MAD1L1: variants seen among roughly 807,000 people sequenced by gnomAD.
The protein encoded by MAD1L1 is mitotic arrest deficient 1 like 1, also known as mitotic spindle assembly checkpoint protein MAD1.
MAD1L1 carries 95 observed loss-of-function variants against 96.9 expected under a neutral mutation model. That is an observed-to-expected ratio of 0.98 (90% CI 0.83 to 1.16). The LOEUF is 1.16. Among genes scored for constraint, MAD1L1 ranks in the 50% most tolerant of loss-of-function variants. MAD1L1 has a pLI of 0.00. For synonymous variants in MAD1L1, 473 were observed against 396.6 expected, an observed-to-expected ratio of 1.19 and a Z score of -2.29; for missense variants, 1,007 against 954.4, an observed-to-expected ratio of 1.06 and a Z score of -0.73.
intron 12 of MAD1L1, among the ~76,000 whole-genome samples, chr7:2,045,313 CTA>C (rs1256274646): frequency 6.6e-6 from 1 of 152,154 alleles, no homozygotes; most frequent in African/African-American, 2.4e-5. Flanking sequence ...CCCCACGTCC[CTA>C]TGAGAGTCCC....
rs774598571 is a variant in MAD1L1, at chr7:2,142,187, C to A, written c.1073+6965G>T. 6.6e-6 allele frequency among the ~76,000 whole-genome samples: 1 copy of A among 152,224 alleles called. No individual in the cohort carries two copies. The highest frequency in any genetic ancestry group is 1.5e-5 in the Non-Finnish European group (1 of 68,036). On this transcript the variant is annotated intron_variant, in intron 11 of 18. Transcript: ENST00000265854. The surrounding 1 kb of genome is among the most constrained non-coding windows in gnomAD (Gnocchi z 4.7). Reference sequence around the variant, plus strand: ...CTGACTCACGAGAGAGACGGCTTTTCAAAGGGCCCACACTAGCCAAACTAA... The same window carrying A: ...CTGACTCACGAGAGAGACGGCTTTTAAAAGGGCCCACACTAGCCAAACTAA...
chr7:1,985,248 T>C (rs1781085517), intron 14 of MAD1L1, among the ~76,000 whole-genome samples: 1 of 152,214 alleles, frequency 6.6e-6, no homozygotes, highest in African/African-American at 2.4e-5. Flanking sequence ...AAATGAAAAC[T>C]GGAGGAGGCG....
intron 16 of MAD1L1, among the ~76,000 whole-genome samples, chr7:1,938,997 A>ACG (rs1319738196): frequency 3.3e-4 from 44 of 133,764 alleles, no homozygotes; most frequent in African/African-American, 9.2e-4. Context: ...GCGCACACAC[A>ACG]CGCACACACA....
At chr7:2,198,701 C>T (rs1217352531) in intron 10 of MAD1L1, among the ~76,000 whole-genome samples, 1 of 152,244 alleles carries the variant, frequency 6.6e-6, no homozygotes, top group Non-Finnish European at 1.5e-5. Context: ...ACTCAGTTCT[C>T]CTGCCGCTGA....
At chr7:2,220,589 G>A (rs981939870) in intron 5 of MAD1L1, among the ~76,000 whole-genome samples, 2 of 152,164 alleles carry the variant, frequency 1.3e-5, no homozygotes, top group Admixed American at 6.5e-5. Context: ...GACCTGGGTG[G>A]GCCTGGCTGG....
At chr7:2,095,471 C>T (rs1356262560) in intron 11 of MAD1L1, among the ~76,000 whole-genome samples, 1 of 152,256 alleles carries the variant, frequency 6.6e-6, no homozygotes, top group African/African-American at 2.4e-5. Context: ...GCAAAGCAGC[C>T]TGAGTGGGTT....
At chr7:2,186,974 G>A (rs1381573254) in intron 10 of MAD1L1, among the ~76,000 whole-genome samples, 6 of 151,800 alleles carry the variant, frequency 4.0e-5, no homozygotes, top group Non-Finnish European at 7.4e-5. Flanking sequence ...TTTATTTTTA[G>A]TAGAGACGAG....
At chr7:2,003,132 G>T (rs1766277395) in intron 13 of MAD1L1, among the ~76,000 whole-genome samples, 1 of 12,260 alleles carries the variant, frequency 8.2e-5, no homozygotes, top group Non-Finnish European at 1.7e-4. Context: ...TGGGATCTGC[G>T]GGGTGGAGGC....
chr7:2,136,518 C>G (rs1358371518), intron 11 of MAD1L1, among the ~76,000 whole-genome samples: 1 of 152,220 alleles, frequency 6.6e-6, no homozygotes, highest in Non-Finnish European at 1.5e-5. Context: ...GAGAGACCCT[C>G]CCAGGTCTAT....
At chr7:2,198,580 C>A (rs529615464) in intron 10 of MAD1L1, among the ~76,000 whole-genome samples, 1 of 152,248 alleles carries the variant, frequency 6.6e-6, no homozygotes, top group East Asian at 1.9e-4. Flanking sequence ...AGGCTTTCAA[C>A]AGAGGCGAGT....
chr7:2,078,168 G>A (rs865857058), intron 11 of MAD1L1, among the ~76,000 whole-genome samples: 2 of 152,156 alleles, frequency 1.3e-5, no homozygotes, highest in Non-Finnish European at 1.5e-5. Context: ...CTGAGGAGCC[G>A]CCTGAGAATG....
At chr7:1,964,157 G>C (rs1467171659) in intron 15 of MAD1L1, among the ~76,000 whole-genome samples, 4 of 152,196 alleles carry the variant, frequency 2.6e-5, no homozygotes, top group Admixed American at 1.3e-4. Context: ...GCTTCATAGG[G>C]GAGTGAACCT....
At chr7:2,030,883 G>C (rs1333079354) in intron 12 of MAD1L1, among the ~76,000 whole-genome samples, 2 of 152,158 alleles carry the variant, frequency 1.3e-5, no homozygotes, top group African/African-American at 4.8e-5. Context: ...ATGATACCAT[G>C]TCTCTCCCTT....
At chr7:2,185,582 G>A (rs1791419390) in intron 10 of MAD1L1, among the ~76,000 whole-genome samples, 1 of 152,006 alleles carries the variant, frequency 6.6e-6, no homozygotes, top group African/African-American at 2.4e-5. Flanking sequence ...CAAGGGAACT[G>A]CATCTGGCAA....
chr7:2,060,470 G>A (rs369085956), intron 12 of MAD1L1, among the ~76,000 whole-genome samples: 3 of 152,142 alleles, frequency 2.0e-5, no homozygotes, highest in Admixed American at 6.5e-5. Flanking sequence ...CGCTGATGTC[G>A]AGATATGCCA....
At chr7:1,869,908 G>A (rs938549816) in intron 18 of MAD1L1, among the ~76,000 whole-genome samples, 2 of 152,214 alleles carry the variant, frequency 1.3e-5, no homozygotes, top group Non-Finnish European at 2.9e-5. Context: ...AAGGCAGGCT[G>A]TGAGCCCAGG....
intron 18 of MAD1L1, among the ~76,000 whole-genome samples, chr7:1,886,611 A>G (rs1786048760): frequency 6.6e-6 from 1 of 152,224 alleles, no homozygotes; most frequent in African/African-American, 2.4e-5. Flanking sequence ...GGGCGTGTGC[A>G]GGTTCTCTGC....
intron 6 of MAD1L1, among the ~76,000 whole-genome samples, chr7:2,218,360 G>A (rs1413701421): frequency 2.0e-5 from 3 of 152,124 alleles, no homozygotes; most frequent in South Asian, 2.1e-4. Flanking sequence ...ACCTGCCTGC[G>A]GCAACCCCCA....
At chr7:2,187,342 C>G (rs570638899) in intron 10 of MAD1L1, among the ~76,000 whole-genome samples, 1 of 139,088 alleles carries the variant, frequency 7.2e-6, no homozygotes, top group African/African-American at 3.4e-5. Context: ...CAGCAAGACT[C>G]TGTCTCCAAA....
Sources: gnomAD v4.1 joint callset for allele counts (sites outside exome capture counted in the v4.1 genomes callset) on GRCh38, gnomAD v4.1.1 for gene constraint, Gnocchi (gnomAD v3.1) non-coding constraint, MANE v1.5 for transcripts, NCBI Gene and HGNC (gene_info 2026-07-23, HGNC 2026-07-21) for gene names.